Variants in MYO7B observed in about 807,000 individuals in gnomAD.
The protein encoded by MYO7B is myosin VIIB, also known as unconventional myosin-VIIb.
MYO7B carries 212 observed loss-of-function variants against 259.7 expected under a neutral mutation model. The observed-to-expected ratio is 0.82, with a 90% CI of 0.73 to 0.91. MYO7B has a LOEUF of 0.91. MYO7B is among the 40% of genes least tolerant of loss of function. The probability of loss-of-function intolerance (pLI) is 0.00; values close to 1 mark genes in which losing one functional copy is unlikely to be tolerated. For synonymous variants in MYO7B, 1,197 were observed against 1,166.4 expected (o/e 1.03, Z -0.54); for missense variants, 2,732 against 2,813.5 (o/e 0.97, Z 0.66).
chr2:127,580,600 G>T, intron 9 of MYO7B, 146 bp from the exon 10 acceptor site: 1 of 731,782 alleles, frequency 1.4e-6, no homozygotes, highest in Non-Finnish European at 2.2e-6. Flanking sequence ...CCCTCAAAGA[G>T]AGGACACTGG....
intron 34 of MYO7B, 47 bp from the exon 35 acceptor site, chr2:127,629,598 T>A (rs1481549718): frequency 6.4e-7 from 1 of 1,567,480 alleles, no homozygotes. Context: ...CAGCACAGCC[T>A]CTGGCCCCTG....
chr2:127,630,393 C>G (rs908110392), intron 35 of MYO7B, among the ~76,000 whole-genome samples: 1 of 152,156 alleles, frequency 6.6e-6, no homozygotes, highest in Non-Finnish European at 1.5e-5. Flanking sequence ...GGAAGGCATC[C>G]CCGAGGGAGG....
Position 127,566,795 on chromosome 2 carries a change from G to C in MYO7B, c.438G>C (p.Lys146Asn), listed in dbSNP as rs377488589. 14 of 1,611,446 alleles carry C rather than the reference G, an allele frequency of 8.7e-6. 1 individual carries two copies. Among genetic ancestry groups the C allele is most frequent in the Non-Finnish European group, 1.2e-5 (14 of 1,179,824 alleles). ...AIANNCYFSM[K>N]RNKRDQCCII... ...CCAACAACTGCTACTTCAGCATGAA[G>C]AGGAACAAGAGGGACCAGTGCTGCA... The change falls in exon 5 of 48, where the codon AAG becomes AAC. Residue 146 changes from lysine to asparagine, a missense_variant. Physicochemically the swap from Lys to Asn is moderately conservative, Grantham distance 94. This residue lies in a region of MYO7B where 1,906 missense variants were observed against 2,026.4 expected (regional missense o/e 0.94). Coordinates refer to ENST00000409816, the MANE Select transcript of MYO7B (RefSeq NM_001393586.1).
At chr2:127,581,651 G>C (rs4662739) in intron 10 of MYO7B, among the ~76,000 whole-genome samples, 56,307 of 151,988 alleles carry the variant, frequency 0.37, 11,841 homozygotes, top group East Asian at 0.67. Flanking sequence ...CCAAGGCCAG[G>C]CTGGGGGAGC....
chr2:127,607,137 GA>G lies in MYO7B; in HGVS notation c.2425-68del. 7.0e-7 allele frequency: 1 copy of G among 1,423,756 alleles called. No individual in the cohort carries two copies. The highest frequency in any genetic ancestry group is 2.3e-5 in the Admixed American group (1 of 44,404). 88.2% of individuals were successfully genotyped at this position (1,423,756 alleles called of 1,614,324 possible). A position where few individuals can be genotyped will look rare whatever the true frequency, so the allele number is the denominator to read the frequency against. ...AATCTATCTTGCACTGCCTCCTGGG[GA>G]GCACCCCTCTCTGTTTCCTGGGGAA... On this transcript the variant is annotated intron_variant, in intron 20 of 47. Transcript: ENST00000409816. This position sits in a 1 kb window ranked among gnomAD's most constrained non-coding sequence, Gnocchi z 4.4.
chr2:127,594,826 C>G (rs896932861), intron 18 of MYO7B, among the ~76,000 whole-genome samples: 6 of 152,170 alleles, frequency 3.9e-5, no homozygotes, highest in African/African-American at 1.4e-4. Context: ...ATGAAGCCAA[C>G]TTGATCGTAG....
chr2:127,543,408 C>CA, intron 1 of MYO7B, among the ~76,000 whole-genome samples: 1 of 152,194 alleles, frequency 6.6e-6, no homozygotes, highest in Non-Finnish European at 1.5e-5. Context: ...TCTGCGAGCA[C>CA]AGGGTTGGGG....
At position 127,627,239 on chromosome 2, in the gene MYO7B, C is replaced by T. The variant is rs1404469900; in HGVS notation, c.4389C>T (p.Cys1463=). The T allele has an allele frequency of 8.1e-6, 13 of 1,611,500 alleles. No homozygotes were observed. Among genetic ancestry groups the T allele is most frequent in the Non-Finnish European group, 1.0e-5 (12 of 1,179,098 alleles). ...TGGCTGTTAACTGGAAGGGGCTTTG[C>T]TTCCTGGACCAGCAGGAGAAGATGC... ...LILAVNWKGL[C]FLDQQEKMLL... Residue 1463 remains cysteine, a synonymous_variant, in exon 33 of 48, where the codon TGC becomes TGT. Transcript: ENST00000409816. This position sits in a 1 kb window ranked among gnomAD's most constrained non-coding sequence, Gnocchi z 5.6.
Position 127,624,321 on chromosome 2 carries a change from G to A in MYO7B, c.4047+1G>A. 2.6e-6 allele frequency: 4 copies of A among 1,568,120 alleles called. No individual in the cohort carries two copies. The highest frequency in any genetic ancestry group is 3.5e-6 in the Non-Finnish European group (4 of 1,156,960). ...GTCTGGCGAGTACAGCTTCGAGAAG[G>A]TGAGGGGCCTGAGAGCCAGGTCCAC... On this transcript the variant is annotated splice_donor_variant, in intron 30 of 47. Coordinates refer to ENST00000409816, the MANE Select transcript of MYO7B (RefSeq NM_001393586.1). LOFTEE classifies it high-confidence loss of function.
rs534322276 is a variant in MYO7B, at chr2:127,582,557, C to T, written c.1343+111C>T. On this transcript the variant is annotated intron_variant, in intron 12 of 47. Coordinates refer to ENST00000409816, the MANE Select transcript of MYO7B (RefSeq NM_001393586.1). The stretch of plus-strand genomic sequence containing the variant: ...GCCGTCACCCTGCACCCAGGCCTGG[C>T]GAGTCCCACCAGATCCGTGTGCTCT... The T allele has an allele frequency of 4.9e-4, 634 of 1,288,456 alleles. 1 individual carries two copies. The highest frequency in any genetic ancestry group is 6.3e-4 in the Non-Finnish European group (586 of 934,984). The allele number at this position is 1,288,456 out of a possible 1,614,324, so 79.8% of individuals were successfully genotyped here. A position where few individuals can be genotyped will look rare whatever the true frequency, so the allele number is the denominator to read the frequency against.
chr2:127,627,014 C>A lies in MYO7B; in HGVS notation c.4255C>A (p.Arg1419=). 6.2e-7 allele frequency: 1 copy of A among 1,611,202 alleles called. No individual in the cohort carries two copies. Among genetic ancestry groups the A allele is most frequent in the Non-Finnish European group, 8.5e-7 (1 of 1,179,156 alleles). Residue 1419 remains arginine, a synonymous_variant, in exon 32 of 48, where the codon CGA becomes AGA. Coordinates refer to ENST00000409816, the MANE Select transcript of MYO7B (RefSeq NM_001393586.1). This position sits in a 1 kb window ranked among gnomAD's most constrained non-coding sequence, Gnocchi z 5.6. ...GAAGCAAGTCACACCACTGGCCGTG[C>A]GAGAGCAGGTGGTGGACGCCGCCCG... ...TQKQVTPLAV[R]EQVVDAARLQ... is the part of the protein sequence containing the mutation.
chr2:127,551,449 A>G (rs1309325321), intron 1 of MYO7B, among the ~76,000 whole-genome samples: 1 of 152,152 alleles, frequency 6.6e-6, no homozygotes, highest in Non-Finnish European at 1.5e-5. Flanking sequence ...CAGGCTCCCC[A>G]GGCTGAGAGA....
intron 18 of MYO7B, among the ~76,000 whole-genome samples, chr2:127,595,972 A>G (rs912289756): frequency 1.6e-4 from 25 of 152,174 alleles, no homozygotes; most frequent in African/African-American, 5.8e-4. Flanking sequence ...GTAGATATCT[A>G]TCAGGTCCAC....
chr2:127,602,277 C>T (rs1056393926), intron 19 of MYO7B, among the ~76,000 whole-genome samples: 7 of 152,160 alleles, frequency 4.6e-5, no homozygotes, highest in African/African-American at 1.2e-4. Context: ...AGAAACTCTA[C>T]CCCCTTTTAT....
In MYO7B at chr2:127,628,933, C is replaced by T. The variant is rs1199939791; in HGVS notation, c.4624+398C>T. On this transcript the variant is annotated intron_variant, in intron 34 of 47. Coordinates refer to ENST00000409816, the MANE Select transcript of MYO7B (RefSeq NM_001393586.1). The surrounding 1 kb of genome is among the most constrained non-coding windows in gnomAD (Gnocchi z 4.8). ...GAGGCCCAGAGATGGAAGTAGCTCA[C>T]CCAGGGTCACACAGCTCAAGGGGGT... Among the ~76,000 whole-genome samples, 1 of 152,238 alleles carries T rather than the reference C, an allele frequency of 6.6e-6. No individual in the cohort carries two copies. Among genetic ancestry groups the T allele is most frequent in the Non-Finnish European group, 1.5e-5 (1 of 68,042 alleles).
intron 27 of MYO7B, among the ~76,000 whole-genome samples, chr2:127,621,259 T>G (rs573632691): frequency 1.4e-3 from 213 of 151,148 alleles, no homozygotes; most frequent in African/African-American, 4.5e-3. Flanking sequence ...TGCAATTTTT[T>G]TTTTTGTTTT....
chr2:127,592,572 C>T (rs753794106), intron 16 of MYO7B, among the ~76,000 whole-genome samples: 4 of 148,548 alleles, frequency 2.7e-5, no homozygotes, highest in Admixed American at 2.1e-4. Context: ...GACAACATTA[C>T]GGGTTTTTCA....
Position 127,627,691 on chromosome 2 carries a change from G to A in MYO7B, c.4460+381G>A, listed in dbSNP as rs1222976331. ...GTCTGGGAAGGCGACAAGGGACAGT[G>A]CCTGGTGTGTCCTGGGGCACAGGGC... On this transcript the variant is annotated intron_variant, in intron 33 of 47. Transcript: ENST00000409816. The surrounding 1 kb of genome is among the most constrained non-coding windows in gnomAD (Gnocchi z 5.6). The A allele has an allele frequency of 2.2e-6, 1 of 462,022 alleles. No individual in the cohort carries two copies. The highest frequency in any genetic ancestry group is 4.3e-6 in the Non-Finnish European group (1 of 230,758). The allele number at this position is 462,022 out of a possible 1,614,324, so 28.6% of individuals were successfully genotyped here. A position where few individuals can be genotyped will look rare whatever the true frequency, so the allele number is the denominator to read the frequency against.
Position 127,573,949 on chromosome 2 carries a change from G to A in MYO7B, c.622G>A (p.Asp208Asn), listed in dbSNP as rs771954844. The A allele has an allele frequency of 3.5e-5, 56 of 1,613,926 alleles. No homozygotes were observed. The highest frequency in any genetic ancestry group is 1.6e-4 in the Middle Eastern group (1 of 6,084). ...TGGAAATGCCAAGACAATCCGCAAC[G>A]ACAACTCAAGCCGCTTTGGGAAGTA... The part of the protein sequence containing the change: ...AFGNAKTIRN[D>N]NSSRFGKYID... The change falls in exon 7 of 48, where the codon GAC (aspartate) becomes AAC (asparagine). Residue 208 changes from aspartate to asparagine, a missense_variant. Physicochemically the swap from Asp to Asn is conservative, Grantham distance 23 (BLOSUM62 1). Coordinates refer to ENST00000409816, the MANE Select transcript of MYO7B (RefSeq NM_001393586.1).
Sources: allele counts gnomAD v4.1 joint callset (sites outside exome capture counted in the v4.1 genomes callset), GRCh38; gene constraint gnomAD v4.1.1; regional missense constraint gnomAD v4.1.1; non-coding constraint Gnocchi (gnomAD v3.1); transcripts MANE v1.5; gene names NCBI Gene and HGNC (gene_info 2026-07-23, HGNC 2026-07-21).